Variants in CNTNAP5 observed in about 807,000 individuals in gnomAD.
CNTNAP5 encodes contactin associated protein family member 5.
In CNTNAP5, 72 loss-of-function variants were observed where a neutral mutation model predicts 150.2. The ratio of observed to expected loss-of-function variants is 0.48; its 90% CI spans 0.40 to 0.58. The LOEUF (loss-of-function observed/expected upper bound fraction) is 0.58, where lower values mean the gene tolerates loss of function less well. Among genes scored for constraint, CNTNAP5 ranks in the 20% least tolerant of loss-of-function variants. The pLI, the probability that CNTNAP5 is intolerant of heterozygous loss-of-function variation, is 0.00. For missense variants in CNTNAP5, 1,636 were observed against 1,626.2 expected (o/e 1.01, Z -0.10); for synonymous variants, 672 against 619.8 (o/e 1.08, Z -1.25).
chr2:124,290,666 C>T lies in CNTNAP5; in HGVS notation c.381+48273C>T, dbSNP rs191676413. ...ACCTCTCTCTACTATAGTTTGTTTT[C>T]GTGTAAATTGGGAACTGTTCCATCT... On this transcript the variant is annotated intron_variant, in intron 3 of 23. Transcript: ENST00000682447. Among the ~76,000 whole-genome samples, 276 of 152,136 alleles carry T rather than the reference C, an allele frequency of 1.8e-3. 2 individuals carry two copies. The highest frequency in any genetic ancestry group is 3.9e-4 in the East Asian group (2 of 5,164).
chr2:124,034,663 G>A (rs778986275), intron 1 of CNTNAP5, among the ~76,000 whole-genome samples: 21 of 152,166 alleles, frequency 1.4e-4, no homozygotes, highest in Non-Finnish European at 2.4e-4. Context: ...GAGGAGCACA[G>A]CCCCTCCAAA....
At chr2:124,127,068 G>T (rs2104594732) in intron 1 of CNTNAP5, among the ~76,000 whole-genome samples, 1 of 152,226 alleles carries the variant, frequency 6.6e-6, no homozygotes, top group East Asian at 1.9e-4. Flanking sequence ...GGAGCAATCT[G>T]GAAGGAGAAA....
At chr2:124,115,391 T>C (rs17010870) in intron 1 of CNTNAP5, among the ~76,000 whole-genome samples, 1,985 of 152,204 alleles carry the variant, frequency 0.013, 42 homozygotes, top group African/African-American at 0.046. Flanking sequence ...AAATAAATAT[T>C]TGGGGCATAA....
intron 10 of CNTNAP5, among the ~76,000 whole-genome samples, chr2:124,533,196 G>C (rs772863579): frequency 3.9e-5 from 6 of 152,156 alleles, no homozygotes; most frequent in Non-Finnish European, 8.8e-5. Context: ...ATCAGGACTA[G>C]AATGAGCCTA....
intron 3 of CNTNAP5, among the ~76,000 whole-genome samples, chr2:124,398,783 A>G (rs547966513): frequency 1.6e-4 from 24 of 152,124 alleles, no homozygotes; most frequent in Non-Finnish European, 3.2e-4. Context: ...ATCTGGCCCT[A>G]CTTTATCTTA....
chr2:124,740,817 G>T (rs1269596481), intron 13 of CNTNAP5, among the ~76,000 whole-genome samples: 2 of 152,134 alleles, frequency 1.3e-5, no homozygotes, highest in Admixed American at 1.3e-4. Context: ...ACATTCTGGG[G>T]CCGTGGCTGG....
intron 3 of CNTNAP5, among the ~76,000 whole-genome samples, chr2:124,401,629 G>T (rs1691427792): frequency 6.6e-6 from 1 of 152,168 alleles, no homozygotes; most frequent in South Asian, 2.1e-4. Context: ...CTTTATCAAT[G>T]CCCTTTCTTG....
intron 10 of CNTNAP5, among the ~76,000 whole-genome samples, chr2:124,556,191 G>GA: frequency 6.6e-6 from 1 of 152,274 alleles, no homozygotes; most frequent in Non-Finnish European, 1.5e-5. Flanking sequence ...AGGCTTCAGT[G>GA]ACAGGTAGTA....
At chr2:124,465,709 C>T (rs989282550) in intron 6 of CNTNAP5, among the ~76,000 whole-genome samples, 4 of 152,036 alleles carry the variant, frequency 2.6e-5, no homozygotes, top group Admixed American at 2.6e-4. Flanking sequence ...TTTCACGTAC[C>T]CCTTTAAGTA....
At chr2:124,816,749 AT>A (rs757759700) in intron 19 of CNTNAP5, among the ~76,000 whole-genome samples, 11 of 152,140 alleles carry the variant, frequency 7.2e-5, no homozygotes, top group Non-Finnish European at 1.2e-4. Flanking sequence ...AAGTGCCAGG[AT>A]TACAAGCATG....
intron 3 of CNTNAP5, among the ~76,000 whole-genome samples, chr2:124,361,936 G>T (rs1478289478): frequency 2.0e-5 from 3 of 152,186 alleles, no homozygotes; most frequent in Non-Finnish European, 4.4e-5. Flanking sequence ...TTTGATCTCA[G>T]ACTGCTGTGC....
chr2:124,810,606 T>C (rs1335380165), intron 19 of CNTNAP5, among the ~76,000 whole-genome samples: 2 of 152,034 alleles, frequency 1.3e-5, no homozygotes, highest in Non-Finnish European at 2.9e-5. Flanking sequence ...ATCATGAAGA[T>C]TGCCTGTCAC....
rs538409804 is a variant in CNTNAP5, at chr2:124,393,572, G to T, written c.382-23871G>T. Among the ~76,000 whole-genome samples, 18 of 152,322 alleles carry T rather than the reference G, an allele frequency of 1.2e-4. No homozygotes were observed. In the South Asian group the frequency reaches 2.1e-3, roughly 18 times the overall value. Reference sequence around the variant, plus strand: ...CATGGGGTTCAGCCCCTAATGCCAGGCAACCCTGCTGGACTTCTCTGCTTC... The same window carrying T: ...CATGGGGTTCAGCCCCTAATGCCAGTCAACCCTGCTGGACTTCTCTGCTTC... On this transcript the variant is annotated intron_variant, in intron 3 of 23. Transcript: ENST00000682447.
At position 124,455,516 on chromosome 2, in the gene CNTNAP5, A is replaced by G. The variant is rs545580319; in HGVS notation, c.918+8579A>G. Among the ~76,000 whole-genome samples the G allele has an allele frequency of 9.9e-5, 15 of 152,272 alleles. No homozygotes were observed. The East Asian group carries it at 2.9e-3, about 29-fold the overall frequency. On this transcript the variant is annotated intron_variant, in intron 6 of 23. Coordinates refer to ENST00000682447, the MANE Select transcript of CNTNAP5 (RefSeq NM_001367498.1). ...TCCTATTGACACTAATCCACAAGAT[A>G]GAGAAAGAGACATGATAGAGAAAGA...
At chr2:124,158,518 G>A (rs1684599729) in intron 1 of CNTNAP5, among the ~76,000 whole-genome samples, 1 of 152,070 alleles carries the variant, frequency 6.6e-6, no homozygotes, top group Non-Finnish European at 1.5e-5. Context: ...TTTGCCTTCT[G>A]GAAATTTGTG....
At chr2:124,220,042 C>A (rs1208506591) in intron 1 of CNTNAP5, among the ~76,000 whole-genome samples, 1 of 151,774 alleles carries the variant, frequency 6.6e-6, no homozygotes, top group Admixed American at 6.6e-5. Context: ...ACTTAATGAA[C>A]AATAATTTAA....
chr2:124,371,843 G>A (rs1198700119), intron 3 of CNTNAP5, among the ~76,000 whole-genome samples: 1 of 152,102 alleles, frequency 6.6e-6, no homozygotes, highest in Non-Finnish European at 1.5e-5. Context: ...AGACTCTGCT[G>A]CACTGGGTAG....
intron 12 of CNTNAP5, among the ~76,000 whole-genome samples, chr2:124,644,775 A>T (rs1304228402): frequency 6.6e-6 from 1 of 152,170 alleles, no homozygotes; most frequent in Non-Finnish European, 1.5e-5. Flanking sequence ...CAGAGGACAT[A>T]GGGCAGATTC....
intron 17 of CNTNAP5, among the ~76,000 whole-genome samples, chr2:124,780,491 A>G (rs1681427878): frequency 6.6e-6 from 1 of 152,214 alleles, no homozygotes; most frequent in Admixed American, 6.5e-5. Flanking sequence ...AGGTCCTTAT[A>G]AAGGGGAAAG....
Sources: gnomAD v4.1 joint callset for allele counts (sites outside exome capture counted in the v4.1 genomes callset) on GRCh38, gnomAD v4.1.1 for gene constraint, MANE v1.5 for transcripts, NCBI Gene and HGNC (gene_info 2026-07-23, HGNC 2026-07-21) for gene names.